Variants in NUDT17 observed in about 807,000 individuals in gnomAD.
The protein encoded by NUDT17 is m7GpppN-mRNA hydrolase NUDT17.
In NUDT17, 38 loss-of-function variants were observed where a neutral mutation model predicts 38.6. The ratio of observed to expected loss-of-function variants is 0.98; its 90% CI spans 0.76 to 1.29. The LOEUF (loss-of-function observed/expected upper bound fraction) is 1.29, where lower values mean the gene tolerates loss of function less well. Ranked by LOEUF, NUDT17 falls within the 50% of genes most tolerant of loss-of-function variation. The probability of loss-of-function intolerance (pLI) is 0.00; values close to 1 mark genes in which losing one functional copy is unlikely to be tolerated. For missense variants in NUDT17, 462 were observed against 415.2 expected, an observed-to-expected ratio of 1.11 and a Z score of -0.98; for synonymous variants, 192 against 167.8, an observed-to-expected ratio of 1.14 and a Z score of -1.11.
chr1:145,848,626 G>A lies in NUDT17; in HGVS notation c.*147G>A. Reference sequence around the variant, plus strand: ...AGGCCTTGGCGAGCCTGAAAAAGAAGATTGGGAAGGAGGGCACAGGGTCCT... The same window carrying A: ...AGGCCTTGGCGAGCCTGAAAAAGAAAATTGGGAAGGAGGGCACAGGGTCCT... On this transcript the variant is annotated 3_prime_UTR_variant, in exon 8 of 8. Transcript: ENST00000334513. 1.6e-6 allele frequency: 1 copy of A among 642,440 alleles called. No individual in the cohort carries two copies. The highest frequency in any genetic ancestry group is 2.7e-5 in the East Asian group (1 of 36,788). 39.8% of individuals were successfully genotyped at this position (642,440 alleles called of 1,614,324 possible). A position where few individuals can be genotyped will look rare whatever the true frequency, so the allele number is the denominator to read the frequency against.
intron 4 of NUDT17, 107 bp from the exon 5 acceptor site, chr1:145,847,143 A>C: frequency 1.5e-6 from 1 of 660,130 alleles, no homozygotes; most frequent in Non-Finnish European, 2.6e-6. Flanking sequence ...GCAGTGAGCC[A>C]AGATCACGCC....
Position 145,848,620 on chromosome 1 carries a change from AAAG to A in NUDT17, c.*146_*148del, listed in dbSNP as rs1197243608. 6 of 661,372 alleles carry A rather than the reference AAAG, an allele frequency of 9.1e-6. No individual in the cohort carries two copies. The highest frequency in any genetic ancestry group is 2.9e-5 in the Admixed American group (1 of 34,018). 41.0% of individuals were successfully genotyped at this position (661,372 alleles called of 1,614,324 possible). ...GGTCCTAGGCCTTGGCGAGCCTGAA[AAAG>A]AAGATTGGGAAGGAGGGCACAGGGT... On this transcript the variant is annotated 3_prime_UTR_variant, in exon 8 of 8. Transcript: ENST00000334513.
chr1:145,846,758 C>A, intron 4 of NUDT17, 68 bp downstream of exon 4: 1 of 1,072,440 alleles, frequency 9.3e-7, no homozygotes, highest in Non-Finnish European at 1.5e-6. Context: ...ACAAGGGAAA[C>A]AATAGCACAT....
chr1:145,847,805 A>AT (rs1652780808), intron 6 of NUDT17, 86 bp downstream of exon 6: 1 of 1,423,960 alleles, frequency 7.0e-7, no homozygotes, highest in African/African-American at 1.4e-5. Flanking sequence ...TCAGGATGGA[A>AT]TTTTGTGTTG....
chr1:145,848,326 A>G (rs782115063), intron 7 of NUDT17, 51 bp from the exon 8 acceptor site: 5 of 1,612,212 alleles, frequency 3.1e-6, no homozygotes, highest in East Asian at 2.2e-5. Flanking sequence ...TAGTTTTTAC[A>G]GGCACGGGGG....
chr1:145,846,287 T>C, intron 2 of NUDT17, 91 bp downstream of exon 2: 1 of 1,478,718 alleles, frequency 6.8e-7, no homozygotes, highest in East Asian at 2.4e-5. Flanking sequence ...AAGGATAAAG[T>C]GGGCCCCAAA....
chr1:145,847,637 G>C lies in NUDT17; in HGVS notation c.649G>C (p.Asp217His), dbSNP rs782273869. 6.2e-7 allele frequency: 1 copy of C among 1,614,090 alleles called. No individual in the cohort carries two copies. The change falls in exon 6 of 8, where the codon GAT becomes CAT. Residue 217 changes from aspartate (D) to histidine (H), a missense_variant. Asp to His is a moderately conservative substitution (Grantham distance 81, BLOSUM62 -1). Transcript: ENST00000334513. ...EVSALMWLTP[D>H]VAAAVAAAED... is the part of the protein sequence containing the mutation. ...GAGCGCCCTTATGTGGCTGACACCA[G>C]ATGTAGCTGCTGCAGTGGCTGCCGC...
chr1:145,847,868 A>G (rs1428349586), intron 6 of NUDT17, 149 bp downstream of exon 6: 1 of 876,388 alleles, frequency 1.1e-6, no homozygotes, highest in African/African-American at 1.7e-5. Context: ...GGTACATGAA[A>G]TCTAAGACAC....
At position 145,846,045 on chromosome 1, in the gene NUDT17, GGAGCGGCCCAGGGTCCCTGGGGCT is replaced by G. The variant is rs782434375; in HGVS notation, c.230_253del (p.Arg77_Glu84del). 6.2e-7 allele frequency: 1 copy of G among 1,604,958 alleles called. No homozygotes were observed. The highest frequency in any genetic ancestry group is 8.5e-7 in the Non-Finnish European group (1 of 1,176,524). On this transcript the variant is annotated inframe_deletion, in exon 2 of 8. Coordinates refer to ENST00000334513, the MANE Select transcript of NUDT17 (RefSeq NM_001012758.3). ...CTTTCTGCCCTTTTGCGGCCCTGGA[GGAGCGGCCCAGGGTCCCTGGGGCT>G]GAGCTGCCCACAGATCGAGGTGTGG...
chr1:145,847,390 C>A, intron 5 of NUDT17, 42 bp downstream of exon 5: 1 of 1,495,472 alleles, frequency 6.7e-7, no homozygotes, highest in Non-Finnish European at 9.2e-7. Context: ...CTCAGGGGAG[C>A]CCAAGCAACC....
chr1:145,847,175 C>T, intron 4 of NUDT17, 75 bp from the exon 5 acceptor site: 1 of 852,414 alleles, frequency 1.2e-6, no homozygotes, highest in Non-Finnish European at 1.9e-6. Flanking sequence ...GCCTGGGCGA[C>T]AAGAGCGAAA....
At chr1:145,847,159 A>G (rs1179480798) in intron 4 of NUDT17, 91 bp from the exon 5 acceptor site, 1 of 738,650 alleles carries the variant, frequency 1.4e-6, no homozygotes, top group Non-Finnish European at 2.3e-6. Context: ...ACGCCATTGC[A>G]TGCCAGCCTG....
chr1:145,848,221 G>A lies in NUDT17; in HGVS notation c.841G>A (p.Gly281Arg), dbSNP rs781922413. The A allele has an allele frequency of 1.9e-6, 3 of 1,614,090 alleles. No individual in the cohort carries two copies. The highest frequency in any genetic ancestry group is 1.3e-5 in the African/African-American group (1 of 74,922). The change falls in exon 7 of 8, where the codon GGA becomes AGA. Residue 281 changes from glycine to arginine, a missense_variant. Physicochemically the swap from Gly to Arg is moderately radical, Grantham distance 125 (BLOSUM62 -2). Coordinates refer to ENST00000334513, the MANE Select transcript of NUDT17 (RefSeq NM_001012758.3). ...MAEDKERVST[G>R]TKFALKLWLQ... The stretch of plus-strand genomic sequence containing the variant: ...AGAGGACAAAGAGAGAGTCAGCACT[G>A]GAACCAAGTTTGCCCTCAAGCTCTG...
rs782404574 is a variant in NUDT17 at position 145,846,246 on chromosome 1, T to C, written c.376+50T>C. 59 of 1,533,552 alleles carry C rather than the reference T, an allele frequency of 3.8e-5. No homozygotes were observed. In the African/African-American group the frequency reaches 7.4e-4, roughly 19 times the overall value. 95.0% of individuals were successfully genotyped at this position (1,533,552 alleles called of 1,614,324 possible). A position where few individuals can be genotyped will look rare whatever the true frequency, so the allele number is the denominator to read the frequency against. ...CAAGTACAGAGAAGAAATTTGCCCT[T>C]TCCCCGCAACAATGTTTTTCCCAGT... is the stretch of plus-strand genomic sequence containing the variant. On this transcript the variant is annotated intron_variant, in intron 2 of 7. Transcript: ENST00000334513.
Position 145,846,070 on chromosome 1 carries a change from G to C in NUDT17, c.250G>C (p.Glu84Gln), listed in dbSNP as rs782413956. 1.9e-6 allele frequency: 3 copies of C among 1,605,534 alleles called. No individual in the cohort carries two copies. Among genetic ancestry groups the C allele is most frequent in the Admixed American group, 3.4e-5 (2 of 58,310 alleles). The change falls in exon 2 of 8, where the codon GAG (glutamate) becomes CAG (glutamine). Residue 84 changes from glutamate (E) to glutamine (Q), a missense_variant. Transcript: ENST00000334513. ...GGAGCGGCCCAGGGTCCCTGGGGCT[G>C]AGCTGCCCACAGATCGAGGTGTGGA... ...LEERPRVPGAELPTDRGVDLG... is the reference protein window; with the variant it reads ...LEERPRVPGAQLPTDRGVDLG...
rs1553732420 is a variant in NUDT17 at position 145,846,177 on chromosome 1, C to CA, written c.359dup (p.Asn120LysfsTer13). 6.3e-7 allele frequency: 1 copy of CA among 1,591,284 alleles called. No individual in the cohort carries two copies. Among genetic ancestry groups the CA allele is most frequent in the Non-Finnish European group, 8.6e-7 (1 of 1,168,904 alleles). The stretch of plus-strand genomic sequence containing the variant: ...GGGCACGCACCCTGAGCGTTTCCCC[C>CA]AACCTCTGGGTACCCCCGGGTGAGT... On this transcript the variant is annotated frameshift_variant, in exon 2 of 8. Coordinates refer to ENST00000334513, the MANE Select transcript of NUDT17 (RefSeq NM_001012758.3). LOFTEE classifies it high-confidence loss of function.
Position 145,847,248 on chromosome 1 carries a change from A to T in NUDT17, c.496-2A>T. ...CTCACTTTTGCTGTTTTCTTTTCCT[A>T]GTCTGCCTACCCTCCTAGGCTGAGC... On this transcript the variant is annotated splice_acceptor_variant, in intron 4 of 7. Transcript: ENST00000334513. LOFTEE classifies it high-confidence loss of function. 6.4e-7 allele frequency: 1 copy of T among 1,557,684 alleles called. No homozygotes were observed. Among genetic ancestry groups the T allele is most frequent in the Non-Finnish European group, 8.8e-7 (1 of 1,140,532 alleles).
chr1:145,846,741 C>T (rs376629349), intron 4 of NUDT17, 51 bp downstream of exon 4: 3 of 1,275,806 alleles, frequency 2.4e-6, no homozygotes, highest in Non-Finnish European at 3.4e-6. Context: ...CCCTACCTGC[C>T]TTGGCTACAA....
intron 2 of NUDT17, 89 bp downstream of exon 2, chr1:145,846,285 A>G (rs587763528): frequency 1.4e-6 from 2 of 1,479,280 alleles, no homozygotes; most frequent in Non-Finnish European, 1.9e-6. Context: ...AGAAGGATAA[A>G]GTGGGCCCCA....
Sources: allele counts gnomAD v4.1 joint callset, GRCh38; gene constraint gnomAD v4.1.1; transcripts MANE v1.5; gene names NCBI Gene and HGNC (gene_info 2026-07-23, HGNC 2026-07-21).